Variants in SLCO1B1 observed in about 807,000 individuals in gnomAD.
SLCO1B1 encodes solute carrier organic anion transporter family member 1B1.
In SLCO1B1, 81 loss-of-function variants were observed where a neutral mutation model predicts 70.1. The ratio of observed to expected loss-of-function variants is 1.16; its 90% CI spans 0.97 to 1.39. The LOEUF (loss-of-function observed/expected upper bound fraction) is 1.39, where lower values mean the gene tolerates loss of function less well. SLCO1B1 is among the 40% of genes most tolerant of loss of function. SLCO1B1 has a pLI of 0.00. For missense variants in SLCO1B1, 895 were observed against 799.6 expected (o/e 1.12, Z -1.44); for synonymous variants, 283 against 271.5 (o/e 1.04, Z -0.42).
chr12:21,192,896 A>G (rs1004406774), intron 7 of SLCO1B1, among the ~76,000 whole-genome samples: 6 of 152,018 alleles, frequency 3.9e-5, no homozygotes, highest in African/African-American at 1.4e-4. Flanking sequence ...ACATTTTAGA[A>G]TGTTTTGTTT....
At chr12:21,192,839 T>A (rs538982637) in intron 7 of SLCO1B1, among the ~76,000 whole-genome samples, 1 of 152,088 alleles carries the variant, frequency 6.6e-6, no homozygotes. Flanking sequence ...CAAATGTAGA[T>A]ATTTTTTACT....
intron 12 of SLCO1B1, among the ~76,000 whole-genome samples, chr12:21,217,679 A>G (rs1941375939): frequency 6.6e-6 from 1 of 152,194 alleles, no homozygotes; most frequent in Non-Finnish European, 1.5e-5. Flanking sequence ...TGATTTCACT[A>G]AAATAAAGCA....
chr12:21,165,049 G>A (rs575546531), intron 2 of SLCO1B1, among the ~76,000 whole-genome samples: 1 of 152,212 alleles, frequency 6.6e-6, no homozygotes, highest in South Asian at 2.1e-4. Context: ...CTCAATGAAT[G>A]TTTCTTGAGT....
intron 12 of SLCO1B1, among the ~76,000 whole-genome samples, chr12:21,217,745 C>A (rs4149073): frequency 6.6e-6 from 1 of 151,906 alleles, no homozygotes; most frequent in Non-Finnish European, 1.5e-5. Context: ...AACTTTTAAT[C>A]GACTCACAGC....
chr12:21,223,258 G>GGAAC (rs1304418056), intron 13 of SLCO1B1, among the ~76,000 whole-genome samples: 4 of 152,028 alleles, frequency 2.6e-5, no homozygotes, highest in Non-Finnish European at 5.9e-5. Context: ...GTGGCACGAT[G>GGAAC]GAACCTAAAT....
chr12:21,142,672 G>A (rs1190794036), intron 2 of SLCO1B1, among the ~76,000 whole-genome samples: 1 of 151,926 alleles, frequency 6.6e-6, no homozygotes, highest in African/African-American at 2.4e-5. Flanking sequence ...GTAACATTTA[G>A]GCCAAGTGGC....
At chr12:21,206,552 GC>G (rs1941217221) in intron 11 of SLCO1B1, among the ~76,000 whole-genome samples, 1 of 151,894 alleles carries the variant, frequency 6.6e-6, no homozygotes, top group East Asian at 1.9e-4. Context: ...TCACTTGACT[GC>G]CCTATTCTTG....
intron 3 of SLCO1B1, among the ~76,000 whole-genome samples, chr12:21,173,648 A>C (rs913390988): frequency 4.0e-5 from 6 of 151,422 alleles, no homozygotes; most frequent in African/African-American, 1.5e-4. Flanking sequence ...TTACTCATTC[A>C]TTTTGGTGCT....
In SLCO1B1 at chr12:21,134,146, C is replaced by T. The variant is rs144756244; in HGVS notation, c.-62+2910C>T. Among the ~76,000 whole-genome samples, 1,145 of 152,212 alleles carry T rather than the reference C, an allele frequency of 7.5e-3. 15 individuals carry two copies. The highest frequency in any genetic ancestry group is 0.026 in the African/African-American group (1,072 of 41,524). On this transcript the variant is annotated intron_variant, in intron 1 of 14. Transcript: ENST00000256958. ...ATGCTGGATTACATTTATTGATTTG[C>T]GTATGTTGAACCAGCCTTGCATCCC...
chr12:21,177,518 GAC>G (rs1188841663), intron 5 of SLCO1B1, among the ~76,000 whole-genome samples: 2 of 151,934 alleles, frequency 1.3e-5, no homozygotes, highest in Non-Finnish European at 2.9e-5. Context: ...AATAGAAAAA[GAC>G]TAAAAATACA....
intron 14 of SLCO1B1, among the ~76,000 whole-genome samples, chr12:21,238,095 AT>A (rs1941612557): frequency 6.6e-6 from 1 of 151,848 alleles, no homozygotes; most frequent in Non-Finnish European, 1.5e-5. Context: ...CACTTATATA[AT>A]TGTCTCAAAA....
At chr12:21,188,672 T>C (rs371266682) in intron 7 of SLCO1B1, among the ~76,000 whole-genome samples, 1 of 152,106 alleles carries the variant, frequency 6.6e-6, no homozygotes, top group South Asian at 2.1e-4. Flanking sequence ...ATGAGATTTA[T>C]TTGCTCAAAA....
At position 21,239,261 on chromosome 12, in the gene SLCO1B1, T is replaced by C. The variant is rs1332987807; in HGVS notation, c.*72T>C. 2.8e-6 allele frequency: 3 copies of C among 1,071,604 alleles called. 1 individual carries two copies. The highest frequency in any genetic ancestry group is 2.5e-5 in the South Asian group (2 of 79,266). 66.4% of individuals were successfully genotyped at this position (1,071,604 alleles called of 1,614,324 possible). A position where few individuals can be genotyped will look rare whatever the true frequency, so the allele number is the denominator to read the frequency against. On this transcript the variant is annotated 3_prime_UTR_variant, in exon 15 of 15. Coordinates refer to ENST00000256958, the MANE Select transcript of SLCO1B1 (RefSeq NM_006446.5). ...GCATTGATTCAGTAAGATGTTATTT[T>C]TGAGGAGTTCCTGGTCCTTTCACTA...
chr12:21,193,603 T>C (rs1941056108), intron 7 of SLCO1B1, among the ~76,000 whole-genome samples: 1 of 152,208 alleles, frequency 6.6e-6, no homozygotes, highest in African/African-American at 2.4e-5. Context: ...TCTTTTTCTT[T>C]CTTTGACAAA....
chr12:21,229,543 A>G (rs745729468), intron 14 of SLCO1B1, among the ~76,000 whole-genome samples: 2 of 152,178 alleles, frequency 1.3e-5, no homozygotes, highest in Non-Finnish European at 2.9e-5. Context: ...AGGTGTTTCA[A>G]TTGCTTGATA....
intron 7 of SLCO1B1, among the ~76,000 whole-genome samples, chr12:21,185,858 A>G (rs1293173073): frequency 6.6e-6 from 1 of 152,096 alleles, no homozygotes; most frequent in African/African-American, 2.4e-5. Flanking sequence ...AGGAGACCCA[A>G]TTAAGCACAA....
At position 21,222,333 on chromosome 12, in the gene SLCO1B1, G is replaced by A. The variant is rs373681186; in HGVS notation, c.1716G>A (p.Leu572=). The change falls in exon 13 of 15, where the codon CTG becomes CTA. Residue 572 remains leucine (L), a synonymous_variant. Transcript: ENST00000256958. ...AACCTGAATTGAAATCACTTGCACT[G>A]GGTTTCCACTCAATGGTTATACGAG... is the stretch of plus-strand genomic sequence containing the variant. The part of the protein sequence containing the change: ...IVQPELKSLA[L]GFHSMVIRAL... 6 of 1,083,444 alleles carry A rather than the reference G, an allele frequency of 5.5e-6. No homozygotes were observed. Among genetic ancestry groups the A allele is most frequent in the Non-Finnish European group, 7.5e-6 (6 of 800,514 alleles). The allele number at this position is 1,083,444 out of a possible 1,614,324, so 67.1% of individuals were successfully genotyped here.
At position 21,200,514 on chromosome 12, in the gene SLCO1B1, T is replaced by A; in HGVS notation, c.977T>A (p.Phe326Tyr). The A allele has an allele frequency of 6.4e-7, 1 of 1,565,266 alleles. No individual in the cohort carries two copies. Among genetic ancestry groups the A allele is most frequent in the South Asian group, 1.2e-5 (1 of 82,926 alleles). Residue 326 changes from phenylalanine (F) to tyrosine (Y), a missense_variant, in exon 9 of 15, where the codon TTC becomes TAC. Physicochemically the swap from Phe to Tyr is conservative, Grantham distance 22. Transcript: ENST00000256958. ...TATTTTTACAATTTTACAGGTTTTT[T>A]CCAGTCTTTTAAAAGCATCCTTACT... The part of the protein sequence containing the change: ...KNITKNVTGF[F>Y]QSFKSILTNP...
intron 2 of SLCO1B1, among the ~76,000 whole-genome samples, chr12:21,155,935 T>G (rs973735405): frequency 5.3e-5 from 8 of 152,190 alleles, no homozygotes; most frequent in Admixed American, 4.6e-4. Context: ...GGAGGACACA[T>G]GCAACCAATG....
Sources: gnomAD v4.1 joint callset for allele counts (sites outside exome capture counted in the v4.1 genomes callset) on GRCh38, gnomAD v4.1.1 for gene constraint, MANE v1.5 for transcripts, NCBI Gene and HGNC (gene_info 2026-07-23, HGNC 2026-07-21) for gene names.